The following NMRAL1 variants were observed in gnomAD, a reference collection of about 807,000 sequenced individuals.
NMRAL1 encodes NmrA like redox sensor 1.
Under a neutral mutation model 27.5 loss-of-function variants are expected in NMRAL1, and 32 were observed. The observed-to-expected ratio is 1.16, with a 90% CI of 0.88 to 1.56. The LOEUF is 1.56. Ranked by LOEUF, NMRAL1 falls within the 40% of genes most tolerant of loss-of-function variation. NMRAL1 has a pLI of 0.00. For missense variants in NMRAL1, 420 were observed against 392.0 expected (o/e 1.07, Z -0.60); for synonymous variants, 166 against 166.8 (o/e 1.00, Z 0.04).
intron 3 of NMRAL1, among the ~76,000 whole-genome samples, chr16:4,468,188 G>C (rs1209986764): frequency 6.6e-6 from 1 of 152,084 alleles, no homozygotes; most frequent in African/African-American, 2.4e-5. Context: ...TGTAATCTCA[G>C]CTATTCGGGA....
chr16:4,469,965 C>G (rs1404638017), intron 2 of NMRAL1, among the ~76,000 whole-genome samples: 3 of 150,988 alleles, frequency 2.0e-5, no homozygotes, highest in African/African-American at 7.3e-5. Flanking sequence ...GAGACCGAGA[C>G]CATCCTGGCT....
intron 3 of NMRAL1, 130 bp downstream of exon 3, chr16:4,469,097 A>G (rs1055689273): frequency 2.9e-6 from 2 of 682,012 alleles, no homozygotes; most frequent in Admixed American, 2.2e-5. Flanking sequence ...TTCACAGCCT[A>G]GAGCAGGCAG....
At chr16:4,472,529 G>A (rs916740304) in intron 2 of NMRAL1, among the ~76,000 whole-genome samples, 6 of 152,136 alleles carry the variant, frequency 3.9e-5, no homozygotes, top group African/African-American at 1.4e-4. Context: ...CAGATCACCT[G>A]AGGTCAGGAG....
chr16:4,467,031 T>C (rs1384213596), intron 3 of NMRAL1: 2 of 153,752 alleles, frequency 1.3e-5, no homozygotes, highest in African/African-American at 4.8e-5. Flanking sequence ...GTGAAGGATC[T>C]TGAGATGGGA....
chr16:4,474,012 T>G, intron 2 of NMRAL1, 81 bp downstream of exon 2: 1 of 1,129,210 alleles, frequency 8.9e-7, no homozygotes, highest in Non-Finnish European at 1.3e-6. Context: ...ACCTTACCCC[T>G]CCCTGCAGAC....
rs557053821 is a variant in NMRAL1 at position 4,474,506 on chromosome 16, G to A, written c.-35+48C>T. 3.6e-3 allele frequency: 704 copies of A among 197,652 alleles called. 4 individuals carry two copies. Among genetic ancestry groups the A allele is most frequent in the Non-Finnish European group, 4.3e-3 (417 of 96,254 alleles). 12.2% of individuals were successfully genotyped at this position (197,652 alleles called of 1,614,324 possible). A position where few individuals can be genotyped will look rare whatever the true frequency, so the allele number is the denominator to read the frequency against. On this transcript the variant is annotated intron_variant, in intron 1 of 5. Coordinates refer to ENST00000283429, the MANE Select transcript of NMRAL1 (RefSeq NM_020677.6). ...CCGAGTCCACTGCAGAGGCGGGGAT[G>A]GAGCTGCGCGCTAGGCGCCAACTCC...
At chr16:4,466,063 GCA>G in intron 4 of NMRAL1, 88 bp downstream of exon 4, 2 of 1,505,140 alleles carry the variant, frequency 1.3e-6, no homozygotes, top group Non-Finnish European at 1.8e-6. Flanking sequence ...CTTGAACCTG[GCA>G]CCACGTGACA....
In NMRAL1 at chr16:4,469,346, C is replaced by A. The variant is rs1177781107; in HGVS notation, c.160G>T (p.Val54Leu). Residue 54 changes from valine to leucine, a missense_variant, in exon 3 of 6, where the codon GTA becomes TTA. By Grantham distance (32) the Val-to-Leu change is conservative (BLOSUM62 1). Coordinates refer to ENST00000283429, the MANE Select transcript of NMRAL1 (RefSeq NM_020677.6). ...AKELRLQGAE[V>L]VQGDQDDQVI... ...TGGTCATCTTGGTCTCCCTGCACTA[C>A]TTCTGCACCTTGCAGCCTCAGCTCC... is the stretch of plus-strand genomic sequence containing the variant. 4 of 1,614,142 alleles carry A rather than the reference C, an allele frequency of 2.5e-6. No homozygotes were observed. In the South Asian group the frequency reaches 3.3e-5, roughly 13 times the overall value.
upstream of NMRAL1, chr16:4,475,958 GT>G (rs1264054247): frequency 6.6e-6 from 1 of 152,196 alleles, no homozygotes; most frequent in African/African-American, 2.4e-5. Flanking sequence ...AAATCATTCT[GT>G]CATTCTGGCC....
chr16:4,468,041 C>T (rs1403302426), intron 3 of NMRAL1, among the ~76,000 whole-genome samples: 4 of 151,924 alleles, frequency 2.6e-5, no homozygotes, highest in South Asian at 2.1e-4. Context: ...GGCTCATGCC[C>T]GCAGTCCCAG....
At chr16:4,470,946 C>CAAAAAAAAAAAAAAAAAAAA (rs56092245) in intron 2 of NMRAL1, among the ~76,000 whole-genome samples, 1 of 133,488 alleles carries the variant, frequency 7.5e-6, no homozygotes, top group Non-Finnish European at 1.6e-5. Context: ...GACTCCGTCT[C>CAAAAAAAAAAAAAAAAAAAA]AAAAAAAAAA....
At chr16:4,474,205 G>A (rs1596415743) in intron 1 of NMRAL1, 39 bp from the exon 2 acceptor site, 5 of 1,501,266 alleles carry the variant, frequency 3.3e-6, no homozygotes, top group East Asian at 4.7e-5. Context: ...GGGTGGGGCC[G>A]GGGTTCCCGC....
At chr16:4,475,871 G>A (rs1381210009), upstream of NMRAL1, 4 of 152,162 alleles carry the variant, frequency 2.6e-5, no homozygotes, top group African/African-American at 7.2e-5. Context: ...CCCGGGAGAA[G>A]GGGGTTGCAG....
rs148485365 is a variant in NMRAL1, at chr16:4,474,164, G to A, written c.-32C>T. On this transcript the variant is annotated splice_region_variant and 5_prime_UTR_variant, in exon 2 of 6. Transcript: ENST00000283429. Reference sequence around the variant, plus strand: ...GAGAATGGGACGAATCCGGTCCAGAGATCTGGGGGTAATGGGAGGCGTGGA... The same window carrying A: ...GAGAATGGGACGAATCCGGTCCAGAAATCTGGGGGTAATGGGAGGCGTGGA... 5.5e-5 allele frequency: 88 copies of A among 1,605,878 alleles called. No homozygotes were observed. In the African/African-American group the frequency reaches 1.0e-3, roughly 19 times the overall value.
chr16:4,475,111 C>T (rs2057780758), upstream of NMRAL1, among the ~76,000 whole-genome samples: 1 of 151,420 alleles, frequency 6.6e-6, no homozygotes, highest in South Asian at 2.1e-4. Flanking sequence ...GCCACCAAGC[C>T]CGGCTAATTT....
At position 4,466,245 on chromosome 16, in the gene NMRAL1, G is replaced by A; in HGVS notation, c.437C>T (p.Pro146Leu). 6.2e-7 allele frequency: 1 copy of A among 1,614,144 alleles called. No homozygotes were observed. The highest frequency in any genetic ancestry group is 1.1e-5 in the South Asian group (1 of 91,088). The change falls in exon 4 of 6, where the codon CCC becomes CTC. Residue 146 changes from proline (P) to leucine (L), a missense_variant. Physicochemically the swap from Pro to Leu is moderately conservative, Grantham distance 98. Coordinates refer to ENST00000283429, the MANE Select transcript of NMRAL1 (RefSeq NM_020677.6). ...GCAGGGCAGCCGCACACTGGTCATGGGAACGCCAATGTCCCGGAAATATTC... is the reference window on the plus strand; with the variant it reads ...GCAGGGCAGCCGCACACTGGTCATGAGAACGCCAATGTCCCGGAAATATTC... ...VEEYFRDIGV[P>L]MTSVRLPCYF...
upstream of NMRAL1, among the ~76,000 whole-genome samples, chr16:4,475,566 G>T (rs1359868089): frequency 6.6e-6 from 1 of 150,860 alleles, no homozygotes; most frequent in Non-Finnish European, 1.5e-5. Flanking sequence ...CCCGCCTCAG[G>T]CTCCCAAAGT....
At chr16:4,466,457 G>C in intron 3 of NMRAL1, 55 bp from the exon 4 acceptor site, 3 of 1,569,112 alleles carry the variant, frequency 1.9e-6, no homozygotes, top group African/African-American at 1.4e-5. Context: ...GTCTGTCCCT[G>C]GTCACAGCCC....
At chr16:4,470,161 CAAAAAAAA>C (rs34104543) in intron 2 of NMRAL1, among the ~76,000 whole-genome samples, 2 of 51,474 alleles carry the variant, frequency 3.9e-5, no homozygotes, top group Non-Finnish European at 9.7e-5. Context: ...GATTCCCTCT[CAAAAAAAA>C]AAAAAAAAAA....
Sources: gnomAD v4.1 joint callset for allele counts (sites outside exome capture counted in the v4.1 genomes callset) on GRCh38, gnomAD v4.1.1 for gene constraint, MANE v1.5 for transcripts, NCBI Gene and HGNC (gene_info 2026-07-23, HGNC 2026-07-21) for gene names.